The following PI4KA variants were observed in gnomAD, a reference collection of about 807,000 sequenced individuals.
PI4KA encodes the protein phosphatidylinositol 4-kinase alpha.
In PI4KA, 122 loss-of-function variants were observed where a neutral mutation model predicts 271.4. That is an observed-to-expected ratio of 0.45 (90% confidence interval 0.39 to 0.52). The LOEUF (loss-of-function observed/expected upper bound fraction) is 0.52, where lower values mean the gene tolerates loss of function less well. PI4KA is among the 20% of genes least tolerant of loss of function. The pLI is 0.00. For synonymous variants in PI4KA, 1,041 were observed against 1,078.8 expected, an observed-to-expected ratio of 0.96 and a Z score of 0.69; for missense variants, 1,969 against 2,769.1, an observed-to-expected ratio of 0.71 and a Z score of 6.48.
intron 51 of PI4KA, chr22:20,711,127 C>G (rs1466542111): frequency 1.6e-5 from 9 of 545,962 alleles, no homozygotes; most frequent in Non-Finnish European, 2.9e-5. Flanking sequence ...TGACTCAGAG[C>G]AATGGCGGCT....
At chr22:20,803,459 C>T (rs966788525) in intron 12 of PI4KA, 139 bp from the exon 13 acceptor site, 2 of 848,830 alleles carry the variant, frequency 2.4e-6, no homozygotes, top group African/African-American at 3.4e-5. Context: ...AGGCCACCTG[C>T]CCAGGACATA....
chr22:20,801,947 T>G, intron 14 of PI4KA, 26 bp downstream of exon 14: 1 of 1,613,032 alleles, frequency 6.2e-7, no homozygotes, highest in Non-Finnish European at 8.5e-7. Context: ...CACTGCTGTC[T>G]ACTCGCCACT....
chr22:20,816,284 ATTC>A (rs1921798700), intron 7 of PI4KA, among the ~76,000 whole-genome samples: 1 of 152,050 alleles, frequency 6.6e-6, no homozygotes, highest in Non-Finnish European at 1.5e-5. Flanking sequence ...ATTAAAAATA[ATTC>A]TTATTTATTT....
intron 11 of PI4KA, 54 bp from the exon 12 acceptor site, chr22:20,804,454 A>G: frequency 8.4e-7 from 1 of 1,196,540 alleles, no homozygotes; most frequent in Admixed American, 1.7e-5. Flanking sequence ...CAGTCTTTCT[A>G]ACACACTTAT....
chr22:20,793,425 G>A (rs1934776878), intron 18 of PI4KA, 182 bp from the exon 19 acceptor site: 2 of 512,326 alleles, frequency 3.9e-6, no homozygotes, highest in African/African-American at 1.9e-5. Flanking sequence ...AGCAAAAAAT[G>A]AAAACAAATG....
At chr22:20,751,527 C>T (rs1240780449) in intron 26 of PI4KA, 147 bp downstream of exon 26, 8 of 923,572 alleles carry the variant, frequency 8.7e-6, no homozygotes, top group Non-Finnish European at 8.6e-6. Flanking sequence ...GGATTTGGGC[C>T]CCCTCACCCC....
intron 19 of PI4KA, among the ~76,000 whole-genome samples, chr22:20,782,052 T>C (rs577139697): frequency 1.3e-5 from 2 of 152,372 alleles, no homozygotes; most frequent in East Asian, 3.9e-4. Context: ...ACATTTATTT[T>C]ACTTCTACTA....
chr22:20,773,386 A>G (rs1932989503), intron 19 of PI4KA, among the ~76,000 whole-genome samples: 1 of 152,086 alleles, frequency 6.6e-6, no homozygotes, highest in Non-Finnish European at 1.5e-5. Context: ...ACTCTGTCTC[A>G]AAACAAACAA....
At chr22:20,746,093 T>C (rs1298462141) in intron 29 of PI4KA, among the ~76,000 whole-genome samples, 2 of 134,086 alleles carry the variant, frequency 1.5e-5, no homozygotes, top group African/African-American at 2.8e-5. Context: ...GATGGAGTCT[T>C]GCTCTGTTGC....
At chr22:20,752,549 G>A (rs1450586635) in intron 25 of PI4KA, among the ~76,000 whole-genome samples, 1 of 152,194 alleles carries the variant, frequency 6.6e-6, no homozygotes, top group African/African-American at 2.4e-5. Context: ...TTTTGTTCCT[G>A]AGAAGCCCAA....
intron 54 of PI4KA, 68 bp from the exon 55 acceptor site, chr22:20,708,166 G>A (rs1924745665): frequency 7.7e-7 from 1 of 1,298,438 alleles, no homozygotes; most frequent in Admixed American, 1.7e-5. Context: ...CTCCCCACAG[G>A]GAGCCCTACC....
chr22:20,817,864 C>T (rs940849851), intron 7 of PI4KA, among the ~76,000 whole-genome samples: 1 of 147,416 alleles, frequency 6.8e-6, no homozygotes, highest in Non-Finnish European at 1.5e-5. Context: ...GTGGCTCATG[C>T]ATGTAATCCT....
chr22:20,840,388 C>G (rs1925402411), intron 1 of PI4KA, among the ~76,000 whole-genome samples: 1 of 152,220 alleles, frequency 6.6e-6, no homozygotes, highest in South Asian at 2.1e-4. Context: ...GAGGGCCCCA[C>G]AGGCCAGGTC....
chr22:20,803,924 T>C (rs1484547126), intron 12 of PI4KA, among the ~76,000 whole-genome samples: 2 of 152,156 alleles, frequency 1.3e-5, no homozygotes, highest in East Asian at 1.9e-4. Flanking sequence ...GTCAGTGGGA[T>C]TGTGACAAGG....
intron 45 of PI4KA, among the ~76,000 whole-genome samples, chr22:20,715,769 C>A (rs562144675): frequency 6.6e-6 from 1 of 152,174 alleles, no homozygotes; most frequent in Admixed American, 6.5e-5. Flanking sequence ...CCACCGCGCC[C>A]GGCCAACATT....
At chr22:20,717,087 T>C (rs1159344019) in intron 45 of PI4KA, among the ~76,000 whole-genome samples, 1 of 151,790 alleles carries the variant, frequency 6.6e-6, no homozygotes, top group Non-Finnish European at 1.5e-5. Flanking sequence ...CCACTAAAAA[T>C]ACAAAAAAAT....
intron 23 of PI4KA, 66 bp downstream of exon 23, chr22:20,761,238 A>G: frequency 1.2e-6 from 1 of 862,950 alleles, no homozygotes; most frequent in Non-Finnish European, 2.0e-6. Flanking sequence ...GAAAAGAGGA[A>G]GTAGTACGCC....
rs761831079 is a variant in PI4KA, at chr22:20,798,694, G to C, written c.2005-7C>G. On this transcript the variant is annotated splice_polypyrimidine_tract_variant and splice_region_variant and intron_variant, in intron 16 of 54. Coordinates refer to ENST00000255882, the MANE Select transcript of PI4KA (RefSeq NM_058004.4). ...CTTCCTGATAGATGTATTGCTGGGA[G>C]AGAGCAAGATGCACTGTCACCATGC... is the stretch of plus-strand genomic sequence containing the variant. 1 of 1,588,846 alleles carries C rather than the reference G, an allele frequency of 6.3e-7. No homozygotes were observed. The highest frequency in any genetic ancestry group is 8.6e-7 in the Non-Finnish European group (1 of 1,157,002).
chr22:20,847,473 T>C (rs1029896895), intron 1 of PI4KA, among the ~76,000 whole-genome samples: 1 of 151,746 alleles, frequency 6.6e-6, no homozygotes, highest in Non-Finnish European at 1.5e-5. Context: ...GCCTGTAATC[T>C]CAACACTTTG....
Sources: allele counts gnomAD v4.1 joint callset (sites outside exome capture counted in the v4.1 genomes callset), GRCh38; gene constraint gnomAD v4.1.1; transcripts MANE v1.5; gene names NCBI Gene and HGNC (gene_info 2026-07-23, HGNC 2026-07-21).